Variants in MAF observed in about 807,000 individuals in gnomAD.
MAF encodes transcription factor Maf.
In MAF, 10 loss-of-function variants were observed where a neutral mutation model predicts 22.0. The observed-to-expected ratio is 0.45, with a 90% confidence interval of 0.28 to 0.77. MAF has a LOEUF of 0.77. Ranked by LOEUF, MAF falls within the 30% of genes least tolerant of loss-of-function variation. MAF has a pLI of 0.12. For synonymous variants in MAF, 337 were observed against 255.8 expected (o/e 1.32, Z -3.03); for missense variants, 544 against 548.4 (o/e 0.99, Z 0.08).
At chr16:79,314,765 T>A in the MAF span, among the ~76,000 whole-genome samples, 2 of 152,166 alleles carry the variant, frequency 1.3e-5, no homozygotes, top group Non-Finnish European at 2.9e-5. Context: ...GAGGCCCAGA[T>A]GATGTTTTGC....
downstream of MAF, among the ~76,000 whole-genome samples, chr16:79,583,866 G>A (rs1173022502): frequency 6.6e-6 from 1 of 152,188 alleles, no homozygotes; most frequent in Admixed American, 6.5e-5. Flanking sequence ...TACAAGGAGT[G>A]TGCAGTTGTT....
chr16:79,319,251 C>G, the MAF span, among the ~76,000 whole-genome samples: 3 of 152,090 alleles, frequency 2.0e-5, no homozygotes, highest in Non-Finnish European at 4.4e-5. Flanking sequence ...ACTAAGCCCT[C>G]GAGAAAGAAA....
chr16:79,598,432 T>C (rs1913703186), intron 1 of MAF: 2 of 380,044 alleles, frequency 5.3e-6, no homozygotes, highest in Admixed American at 6.5e-5. Flanking sequence ...ATTGTGCAAG[T>C]CCGGGGGTGG....
At chr16:79,568,197 G>A in the MAF span, among the ~76,000 whole-genome samples, 6 of 152,226 alleles carry the variant, frequency 3.9e-5, no homozygotes, top group African/African-American at 1.4e-4. Flanking sequence ...TTTTACCTCT[G>A]CGGCTGTAGT....
the MAF span, among the ~76,000 whole-genome samples, chr16:79,475,996 T>C: frequency 6.6e-6 from 1 of 152,210 alleles, no homozygotes; most frequent in Non-Finnish European, 1.5e-5. Flanking sequence ...TCAAGGTCCC[T>C]AATCAGTTCG....
chr16:79,540,568 A>C, the MAF span, among the ~76,000 whole-genome samples: 2 of 152,106 alleles, frequency 1.3e-5, no homozygotes, highest in African/African-American at 4.8e-5. Flanking sequence ...CATGGTCAAC[A>C]ATGCTCATTG....
the MAF span, among the ~76,000 whole-genome samples, chr16:79,395,582 A>T: frequency 6.6e-6 from 1 of 152,210 alleles, no homozygotes; most frequent in East Asian, 1.9e-4. Context: ...CAGAGGTTGG[A>T]GCATCGCATC....
chr16:79,290,547 A>T, the MAF span, among the ~76,000 whole-genome samples: 1 of 152,070 alleles, frequency 6.6e-6, no homozygotes, highest in South Asian at 2.1e-4. Flanking sequence ...CTGTGTGCTT[A>T]ACCATGCTGC....
chr16:79,445,200 A>AT, the MAF span, among the ~76,000 whole-genome samples: 4 of 85,602 alleles, frequency 4.7e-5, no homozygotes, highest in East Asian at 4.9e-4. Context: ...TACCCGTCTA[A>AT]TTTTTTGTAT....
the MAF span, among the ~76,000 whole-genome samples, chr16:79,535,938 G>C: frequency 3.9e-5 from 6 of 152,206 alleles, no homozygotes; most frequent in African/African-American, 1.4e-4. Flanking sequence ...ATGAAGTCAA[G>C]GACAGAGTTG....
At chr16:79,424,898 TAAG>T in the MAF span, among the ~76,000 whole-genome samples, 1 of 152,122 alleles carries the variant, frequency 6.6e-6, no homozygotes, top group African/African-American at 2.4e-5. Context: ...TTATGAAAAA[TAAG>T]AAGAATATAG....
chr16:79,226,780 T>C, the MAF span, among the ~76,000 whole-genome samples: 5 of 152,170 alleles, frequency 3.3e-5, no homozygotes, highest in South Asian at 8.3e-4. Flanking sequence ...CTCTAATAGT[T>C]TTTAAAAAGT....
the MAF span, among the ~76,000 whole-genome samples, chr16:79,368,337 C>T: frequency 6.6e-6 from 1 of 152,094 alleles, no homozygotes; most frequent in Non-Finnish European, 1.5e-5. Context: ...GGGCATTAGC[C>T]ACAGAGGGTA....
chr16:79,351,636 C>T, the MAF span, among the ~76,000 whole-genome samples: 2 of 149,590 alleles, frequency 1.3e-5, no homozygotes, highest in African/African-American at 5.1e-5. Flanking sequence ...GATTCAGGGA[C>T]ACTTGGAAAC....
chr16:79,265,447 G>A, the MAF span, among the ~76,000 whole-genome samples: 1 of 152,104 alleles, frequency 6.6e-6, no homozygotes, highest in Non-Finnish European at 1.5e-5. Flanking sequence ...CTCTAAGGAA[G>A]AAATAAGTAC....
chr16:79,598,705 A>C, intron 1 of MAF, 80 bp downstream of exon 1: 2 of 1,594,698 alleles, frequency 1.3e-6, no homozygotes, highest in Non-Finnish European at 1.7e-6. Flanking sequence ...ATGGCTCTAG[A>C]ACTAGCAAGC....
At chr16:79,328,174 G>C in the MAF span, among the ~76,000 whole-genome samples, 1 of 152,168 alleles carries the variant, frequency 6.6e-6, no homozygotes, top group Non-Finnish European at 1.5e-5. Flanking sequence ...GTAATATATT[G>C]CCGCCCTGGG....
chr16:79,467,686 C>T, the MAF span, among the ~76,000 whole-genome samples: 7 of 152,128 alleles, frequency 4.6e-5, no homozygotes, highest in Admixed American at 1.3e-4. Context: ...CCTCGTGAAT[C>T]GGAAACTCTG....
At chr16:79,482,534 T>C in the MAF span, among the ~76,000 whole-genome samples, 1 of 152,172 alleles carries the variant, frequency 6.6e-6, no homozygotes, top group Non-Finnish European at 1.5e-5. Flanking sequence ...CACAATCTGA[T>C]GAGGAAGTCT....
Sources: gnomAD v4.1 joint callset for allele counts (sites outside exome capture counted in the v4.1 genomes callset) on GRCh38, gnomAD v4.1.1 for gene constraint, MANE v1.5 for transcripts, NCBI Gene and HGNC (gene_info 2026-07-23, HGNC 2026-07-21) for gene names.